The following RSU1 variants were observed in gnomAD, a reference collection of about 807,000 sequenced individuals.
The protein encoded by RSU1 is rsu-1.
In RSU1, 26 loss-of-function variants were observed where a neutral mutation model predicts 31.1. The ratio of observed to expected loss-of-function variants is 0.84; its 90% CI spans 0.61 to 1.16. The LOEUF (loss-of-function observed/expected upper bound fraction) is 1.16, where lower values mean the gene tolerates loss of function less well. Among genes scored for constraint, RSU1 ranks in the 50% most tolerant of loss-of-function variants. The pLI, the probability that RSU1 is intolerant of heterozygous loss-of-function variation, is 0.00. For synonymous variants in RSU1, 164 were observed against 136.3 expected (o/e 1.20, Z -1.41); for missense variants, 320 against 339.1 (o/e 0.94, Z 0.44).
chr10:16,670,288 G>T (rs75250184), intron 8 of RSU1, among the ~76,000 whole-genome samples: 8,874 of 152,214 alleles, frequency 0.058, 380 homozygotes, highest in East Asian at 0.18. Context: ...CACTGAGCTT[G>T]CTACATAATC....
intron 8 of RSU1, among the ~76,000 whole-genome samples, chr10:16,613,599 G>C (rs1026218893): frequency 2.6e-5 from 4 of 152,118 alleles, no homozygotes; most frequent in South Asian, 4.1e-4. Flanking sequence ...CAAGAATCTG[G>C]GCTTGCCACC....
At chr10:16,709,046 T>C (rs920067143) in intron 7 of RSU1, among the ~76,000 whole-genome samples, 10 of 151,396 alleles carry the variant, frequency 6.6e-5, no homozygotes, top group East Asian at 2.0e-4. Flanking sequence ...ATGTGCACAA[T>C]GTGCAGGTTA....
At chr10:16,670,181 GA>G (rs1835079839) in intron 8 of RSU1, among the ~76,000 whole-genome samples, 1 of 152,170 alleles carries the variant, frequency 6.6e-6, no homozygotes. Flanking sequence ...AACTAAGGAG[GA>G]AAAACGTAGA....
At position 16,783,796 on chromosome 10, in the gene RSU1, T is replaced by C. The variant is rs372451066; in HGVS notation, c.110-1712A>G. Reference sequence around the variant, plus strand: ...CTGGCCTGATGCCCCATAAAGTCTATGGTATATCTCCTACAAGCAAAAATG... The same window carrying C: ...CTGGCCTGATGCCCCATAAAGTCTACGGTATATCTCCTACAAGCAAAAATG... On this transcript the variant is annotated intron_variant, in intron 2 of 8. Coordinates refer to ENST00000345264, the MANE Select transcript of RSU1 (RefSeq NM_012425.4). 1.5e-4 allele frequency among the ~76,000 whole-genome samples: 23 copies of C among 152,224 alleles called. No individual in the cohort carries two copies. In the South Asian group the frequency reaches 2.3e-3, roughly 15 times the overall value.
intron 7 of RSU1, among the ~76,000 whole-genome samples, chr10:16,747,871 A>G (rs1400134965): frequency 6.6e-6 from 1 of 152,092 alleles, no homozygotes; most frequent in Admixed American, 6.5e-5. Context: ...CATCTCCACA[A>G]AAAACTGAGA....
intron 8 of RSU1, among the ~76,000 whole-genome samples, chr10:16,638,284 T>A (rs984143226): frequency 2.0e-5 from 3 of 152,110 alleles, no homozygotes; most frequent in African/African-American, 7.2e-5. Flanking sequence ...CCAAGCTCAT[T>A]TGAACGTAAT....
intron 8 of RSU1, among the ~76,000 whole-genome samples, chr10:16,676,842 T>C (rs1031054276): frequency 3.3e-5 from 5 of 152,038 alleles, no homozygotes; most frequent in African/African-American, 7.2e-5. Context: ...AATCAGAGGG[T>C]GTATCTAGCA....
At chr10:16,729,735 T>C (rs1836468864) in intron 7 of RSU1, among the ~76,000 whole-genome samples, 2 of 152,180 alleles carry the variant, frequency 1.3e-5, no homozygotes, top group African/African-American at 4.8e-5. Context: ...ATGTCAAAGA[T>C]TGTTTGCAAA....
intron 4 of RSU1, among the ~76,000 whole-genome samples, chr10:16,755,347 T>C: frequency 6.6e-6 from 1 of 151,984 alleles, no homozygotes; most frequent in East Asian, 1.9e-4. Flanking sequence ...GGTCTCAAAC[T>C]CCTAAGCTCA....
Position 16,731,490 on chromosome 10 carries a change from C to T in RSU1, c.598+21049G>A, listed in dbSNP as rs557225594. Among the ~76,000 whole-genome samples the T allele has an allele frequency of 2.7e-3, 411 of 151,926 alleles. 2 individuals carry two copies. Among genetic ancestry groups the T allele is most frequent in the Non-Finnish European group, 4.6e-3 (316 of 67,994 alleles). On this transcript the variant is annotated intron_variant, in intron 7 of 8. Coordinates refer to ENST00000345264, the MANE Select transcript of RSU1 (RefSeq NM_012425.4). ...ATTTATACTAACCTTTTCTGAGTTCCTGATTATTTCTTGATGATAGAATTC... is the reference window on the plus strand; with the variant it reads ...ATTTATACTAACCTTTTCTGAGTTCTTGATTATTTCTTGATGATAGAATTC...
chr10:16,620,523 G>A (rs1042476886), intron 8 of RSU1, among the ~76,000 whole-genome samples: 3 of 151,270 alleles, frequency 2.0e-5, no homozygotes, highest in Non-Finnish European at 4.4e-5. Context: ...CCATTTTTGC[G>A]GGAGGGGAGT....
At chr10:16,816,199 A>G (rs1335933205) in intron 2 of RSU1, among the ~76,000 whole-genome samples, 1 of 152,250 alleles carries the variant, frequency 6.6e-6, no homozygotes, top group African/African-American at 2.4e-5. Flanking sequence ...GGTTCCTTTA[A>G]GAAAATAATC....
chr10:16,733,033 T>C (rs1836546987), intron 7 of RSU1, among the ~76,000 whole-genome samples: 1 of 152,038 alleles, frequency 6.6e-6, no homozygotes, highest in Non-Finnish European at 1.5e-5. Flanking sequence ...CTCACAGAAA[T>C]ATCTTATTTA....
chr10:16,717,440 T>A (rs577051620), intron 7 of RSU1, among the ~76,000 whole-genome samples: 6 of 152,340 alleles, frequency 3.9e-5, no homozygotes, highest in Non-Finnish European at 7.4e-5. Context: ...TAACAATGCA[T>A]TTTAATGCAT....
intron 5 of RSU1, among the ~76,000 whole-genome samples, chr10:16,753,848 C>T (rs1837029588): frequency 6.6e-6 from 1 of 152,080 alleles, no homozygotes; most frequent in South Asian, 2.1e-4. Context: ...GCCTCAAACT[C>T]CTGGCCTCAA....
intron 3 of RSU1, among the ~76,000 whole-genome samples, chr10:16,765,682 T>A (rs1837299595): frequency 6.6e-6 from 1 of 152,202 alleles, no homozygotes. Context: ...TTGGCCATGG[T>A]TCACGTAAAC....
At chr10:16,660,298 G>A (rs1834863717) in intron 8 of RSU1, among the ~76,000 whole-genome samples, 1 of 152,204 alleles carries the variant, frequency 6.6e-6, no homozygotes, top group East Asian at 1.9e-4. Context: ...GGGACTTGGG[G>A]AGCAGGGGGA....
chr10:16,635,898 T>A (rs1225419900), intron 8 of RSU1, among the ~76,000 whole-genome samples: 1 of 152,150 alleles, frequency 6.6e-6, no homozygotes, highest in Non-Finnish European at 1.5e-5. Flanking sequence ...TTAATGTTAC[T>A]CCAGTCATCA....
chr10:16,600,554 GTTTT>G (rs113657359), intron 8 of RSU1, among the ~76,000 whole-genome samples: 1 of 136,040 alleles, frequency 7.4e-6, no homozygotes, highest in Non-Finnish European at 1.5e-5. Context: ...ACTGACACGT[GTTTT>G]TTTTTTTTTA....
Sources: gnomAD v4.1 joint callset for allele counts (sites outside exome capture counted in the v4.1 genomes callset) on GRCh38, gnomAD v4.1.1 for gene constraint, MANE v1.5 for transcripts, NCBI Gene and HGNC (gene_info 2026-07-23, HGNC 2026-07-21) for gene names.